The following CNTNAP2 variants were observed in gnomAD, a reference collection of about 807,000 sequenced individuals.
The protein encoded by CNTNAP2 is contactin associated protein 2.
Under a neutral mutation model 155.2 loss-of-function variants are expected in CNTNAP2, and 98 were observed. That is an observed-to-expected ratio of 0.63 (90% confidence interval 0.54 to 0.75). The LOEUF (loss-of-function observed/expected upper bound fraction) is 0.75. Ranked by LOEUF, CNTNAP2 falls within the 30% of genes least tolerant of loss-of-function variation. CNTNAP2 has a pLI of 0.00. For missense variants in CNTNAP2, 1,727 were observed against 1,688.1 expected, an observed-to-expected ratio of 1.02 and a Z score of -0.40; for synonymous variants, 651 against 631.2, an observed-to-expected ratio of 1.03 and a Z score of -0.47.
At chr7:148,083,270 A>T (rs17547362) in intron 15 of CNTNAP2, among the ~76,000 whole-genome samples, 5,414 of 152,284 alleles carry the variant, frequency 0.036, 128 homozygotes, top group South Asian at 0.066. Context: ...ATGATAATTT[A>T]TGGCTGACAC....
intron 13 of CNTNAP2, among the ~76,000 whole-genome samples, chr7:147,716,803 AT>A (rs1326939255): frequency 6.6e-6 from 1 of 152,102 alleles, no homozygotes; most frequent in African/African-American, 2.4e-5. Context: ...TGCCGAAATA[AT>A]TTCTTTCTAC....
intron 21 of CNTNAP2, among the ~76,000 whole-genome samples, chr7:148,296,541 G>C (rs1390272286): frequency 5.5e-4 from 4 of 7,244 alleles, no homozygotes; most frequent in African/African-American, 2.8e-4. Flanking sequence ...GCAAGACTCT[G>C]TCTCAAAAAA....
intron 8 of CNTNAP2, among the ~76,000 whole-genome samples, chr7:147,197,347 C>T (rs1004990654): frequency 2.0e-5 from 3 of 151,030 alleles, no homozygotes; most frequent in South Asian, 2.1e-4. Context: ...CCCCGCCCCC[C>T]GTGGAGTGTA....
intron 3 of CNTNAP2, among the ~76,000 whole-genome samples, chr7:147,029,619 G>A (rs951339775): frequency 2.0e-5 from 3 of 151,414 alleles, no homozygotes; most frequent in Non-Finnish European, 4.4e-5. Context: ...GTAGACCCAA[G>A]AATTGTCACT....
At chr7:146,922,082 GTAA>G (rs1796511783) in intron 3 of CNTNAP2, among the ~76,000 whole-genome samples, 1 of 151,978 alleles carries the variant, frequency 6.6e-6, no homozygotes, top group Non-Finnish European at 1.5e-5. Context: ...GACCCACCCA[GTAA>G]TAATGCCAGT....
chr7:146,725,076 T>A (rs1801407914), intron 1 of CNTNAP2, among the ~76,000 whole-genome samples: 1 of 152,124 alleles, frequency 6.6e-6, no homozygotes, highest in Non-Finnish European at 1.5e-5. Flanking sequence ...CGGTTGCTGT[T>A]AGTCCTTCGT....
chr7:147,706,968 A>G (rs1796325727), intron 13 of CNTNAP2, among the ~76,000 whole-genome samples: 1 of 152,038 alleles, frequency 6.6e-6, no homozygotes. Context: ...ATTCAGTTTC[A>G]CAATTTCTGT....
chr7:147,900,471 G>T (rs376576516), intron 13 of CNTNAP2, among the ~76,000 whole-genome samples: 78 of 152,256 alleles, frequency 5.1e-4, no homozygotes, highest in African/African-American at 1.7e-3. Flanking sequence ...TGCCATGATT[G>T]TAAGTTTTCT....
intron 16 of CNTNAP2, among the ~76,000 whole-genome samples, chr7:148,120,029 T>C (rs1341958479): frequency 6.6e-6 from 1 of 151,812 alleles, no homozygotes; most frequent in African/African-American, 2.4e-5. Flanking sequence ...ATTTTCTGAC[T>C]TCTACATAAG....
chr7:147,205,791 C>G (rs533157825), intron 8 of CNTNAP2, among the ~76,000 whole-genome samples: 14 of 151,804 alleles, frequency 9.2e-5, no homozygotes, highest in Non-Finnish European at 1.8e-4. Flanking sequence ...ATGAGTCAAA[C>G]ATACAGTTAG....
intron 3 of CNTNAP2, among the ~76,000 whole-genome samples, chr7:146,907,770 A>C (rs1477218748): frequency 1.3e-5 from 2 of 151,332 alleles, no homozygotes; most frequent in African/African-American, 4.9e-5. Context: ...AGCTAACATC[A>C]TAATGACAGG....
At chr7:147,494,089 C>A (rs1280154352) in intron 11 of CNTNAP2, among the ~76,000 whole-genome samples, 1 of 138,542 alleles carries the variant, frequency 7.2e-6, no homozygotes, top group Non-Finnish European at 1.6e-5. Context: ...GATGTCACTT[C>A]CTGAAATCAC....
chr7:148,012,317 T>C (rs1802095644), intron 15 of CNTNAP2, among the ~76,000 whole-genome samples: 1 of 152,230 alleles, frequency 6.6e-6, no homozygotes, highest in Admixed American at 6.5e-5. Context: ...GCAGCATTTG[T>C]GGGAATTATT....
chr7:147,553,952 C>A (rs6974027), intron 11 of CNTNAP2, among the ~76,000 whole-genome samples: 30,160 of 149,662 alleles, frequency 0.2, 3,220 homozygotes, highest in Admixed American at 0.29. Context: ...ACGAGCAAAA[C>A]TCTATCTCAA....
chr7:146,361,898 A>G (rs368065996), intron 1 of CNTNAP2, among the ~76,000 whole-genome samples: 60 of 152,362 alleles, frequency 3.9e-4, no homozygotes, highest in African/African-American at 1.3e-3. Flanking sequence ...GTATTTTATC[A>G]TGAGCTGGAA....
intron 2 of CNTNAP2, among the ~76,000 whole-genome samples, chr7:146,799,965 TAAA>T (rs1053170487): frequency 7.9e-6 from 1 of 126,164 alleles, no homozygotes; most frequent in African/African-American, 4.3e-5. Context: ...ATCTGTTAAA[TAAA>T]AAAAGTATGA....
chr7:147,299,067 T>C (rs146815942), intron 8 of CNTNAP2, among the ~76,000 whole-genome samples: 4 of 152,162 alleles, frequency 2.6e-5, no homozygotes, highest in Non-Finnish European at 5.9e-5. Context: ...CACGTCCTCA[T>C]GTAACTTCTA....
intron 4 of CNTNAP2, among the ~76,000 whole-genome samples, chr7:147,082,263 G>A (rs1327179403): frequency 6.6e-6 from 1 of 152,148 alleles, no homozygotes; most frequent in African/African-American, 2.4e-5. Context: ...GAATAGTTTA[G>A]GACCAACATG....
chr7:146,445,787 C>T (rs2129121018), intron 1 of CNTNAP2, among the ~76,000 whole-genome samples: 1 of 152,214 alleles, frequency 6.6e-6, no homozygotes, highest in Non-Finnish European at 1.5e-5. Flanking sequence ...ACAACATTTC[C>T]CACAAGCCTA....
Sources: gnomAD v4.1 joint callset for allele counts (sites outside exome capture counted in the v4.1 genomes callset) on GRCh38, gnomAD v4.1.1 for gene constraint, MANE v1.5 for transcripts, NCBI Gene and HGNC (gene_info 2026-07-23, HGNC 2026-07-21) for gene names.